STX2: variants seen among roughly 807,000 people sequenced by gnomAD.
STX2 encodes the protein syntaxin 2.
In STX2, 27 loss-of-function variants were observed where a neutral mutation model predicts 40.6. The observed-to-expected ratio is 0.66, with a 90% CI of 0.49 to 0.92. The LOEUF (loss-of-function observed/expected upper bound fraction) is 0.92. STX2 is among the 40% of genes least tolerant of loss of function. STX2 has a pLI of 0.00. For missense variants in STX2, 328 were observed against 366.1 expected, an observed-to-expected ratio of 0.90 and a Z score of 0.85; for synonymous variants, 123 against 119.1, an observed-to-expected ratio of 1.03 and a Z score of -0.22.
chr12:130,810,099 C>T (rs1951591665), intron 4 of STX2, among the ~76,000 whole-genome samples: 1 of 151,950 alleles, frequency 6.6e-6, no homozygotes. Flanking sequence ...AAGAATGACA[C>T]AAAAAATAAA....
chr12:130,791,987 A>G lies in STX2; in HGVS notation c.*46-10T>C, dbSNP rs1950890153. 2 of 1,566,918 alleles carry G rather than the reference A, an allele frequency of 1.3e-6. No individual in the cohort carries two copies. The highest frequency in any genetic ancestry group is 1.7e-4 in the Middle Eastern group (1 of 5,992). Reference sequence around the variant, plus strand: ...TAATGAACATCAATTTCTGCAAGATAAAGAAAAACATTAATTTGCAATGTA... The same window carrying G: ...TAATGAACATCAATTTCTGCAAGATGAAGAAAAACATTAATTTGCAATGTA... On this transcript the variant is annotated splice_polypyrimidine_tract_variant and intron_variant, in intron 10 of 10. Transcript: ENST00000392373.
At chr12:130,830,902 T>C (rs1356158577) in intron 1 of STX2, among the ~76,000 whole-genome samples, 2 of 152,228 alleles carry the variant, frequency 1.3e-5, no homozygotes, top group African/African-American at 4.8e-5. Context: ...CTATATGACA[T>C]ACTTGATTTC....
At chr12:130,818,187 T>TACAA (rs1951954684) in intron 3 of STX2, among the ~76,000 whole-genome samples, 1 of 54,500 alleles carries the variant, frequency 1.8e-5, no homozygotes, top group Non-Finnish European at 3.1e-5. Context: ...AAAAAAAAAA[T>TACAA]ATATATATAT....
rs547756819 is a variant in STX2, at chr12:130,838,981, G to C, written c.30+89C>G. The C allele has an allele frequency of 2.5e-3, 2,781 of 1,113,528 alleles. 8 individuals carry two copies. The highest frequency in any genetic ancestry group is 2.8e-3 in the Non-Finnish European group (2,439 of 867,724). 69.0% of individuals were successfully genotyped at this position (1,113,528 alleles called of 1,614,324 possible). A position where few individuals can be genotyped will look rare whatever the true frequency, so the allele number is the denominator to read the frequency against. ...GATCCCCGCCCTGGGGACCCTCCCG[G>C]AGCCCCGCCCAAGACGCCCCGAGCC... On this transcript the variant is annotated intron_variant, in intron 1 of 10. Coordinates refer to ENST00000392373, the MANE Select transcript of STX2 (RefSeq NM_194356.4).
intron 1 of STX2, among the ~76,000 whole-genome samples, chr12:130,832,924 C>T (rs975767025): frequency 5.9e-5 from 9 of 152,208 alleles, no homozygotes; most frequent in Non-Finnish European, 1.2e-4. Flanking sequence ...GCTCAGCTCA[C>T]GGGGTGGCCC....
chr12:130,791,817 T>C lies in STX2; in HGVS notation c.*206A>G. The C allele has an allele frequency of 1.6e-6, 2 of 1,224,038 alleles. No individual in the cohort carries two copies. Among genetic ancestry groups the C allele is most frequent in the Non-Finnish European group, 2.4e-6 (2 of 831,530 alleles). The allele number at this position is 1,224,038 out of a possible 1,614,324, so 75.8% of individuals were successfully genotyped here. A position where few individuals can be genotyped will look rare whatever the true frequency, so the allele number is the denominator to read the frequency against. Reference sequence around the variant, plus strand: ...CGATGCCGGGTTACAGCGTCTGAGATTCATTCACGAAATGACAGGATGCTG... The same window carrying C: ...CGATGCCGGGTTACAGCGTCTGAGACTCATTCACGAAATGACAGGATGCTG... On this transcript the variant is annotated 3_prime_UTR_variant, in exon 11 of 11. Coordinates refer to ENST00000392373, the MANE Select transcript of STX2 (RefSeq NM_194356.4).
Position 130,827,293 on chromosome 12 carries a change from T to G in STX2, c.31-26A>C, listed in dbSNP as rs751569598. On this transcript the variant is annotated intron_variant, in intron 1 of 10. Coordinates refer to ENST00000392373, the MANE Select transcript of STX2 (RefSeq NM_194356.4). ...CTACAATGAAAAATGGAAAATTCAG[T>G]TTTTTAAAATTTTTATGTAGGCACA... 3.8e-6 allele frequency: 6 copies of G among 1,588,840 alleles called. No individual in the cohort carries two copies. In the African/African-American group the frequency reaches 8.1e-5, roughly 21 times the overall value.
intron 1 of STX2, among the ~76,000 whole-genome samples, chr12:130,831,701 C>T (rs1274096094): frequency 6.6e-6 from 1 of 152,042 alleles, no homozygotes; most frequent in African/African-American, 2.4e-5. Context: ...TAAACGTAAC[C>T]TACTTTCTCA....
intron 5 of STX2, 37 bp downstream of exon 5, chr12:130,808,594 C>G: frequency 1.3e-6 from 2 of 1,558,998 alleles, no homozygotes; most frequent in Middle Eastern, 3.4e-4. Flanking sequence ...ACTTATTCTG[C>G]GACATTACTT....
At position 130,816,909 on chromosome 12, in the gene STX2, C is replaced by T. The variant is rs990956757; in HGVS notation, c.206-3878G>A. On this transcript the variant is annotated intron_variant, in intron 3 of 10. Transcript: ENST00000392373. Reference sequence around the variant, plus strand: ...AACAGTCAGGTGGGAAGCTGGCCCTCGCAGGGGCTGAAGCCTCAGTCTAAA... The same window carrying T: ...AACAGTCAGGTGGGAAGCTGGCCCTTGCAGGGGCTGAAGCCTCAGTCTAAA... Among the ~76,000 whole-genome samples the T allele has an allele frequency of 2.0e-5, 3 of 152,156 alleles. No individual in the cohort carries two copies. In the East Asian group the frequency reaches 5.8e-4, roughly 29 times the overall value.
intron 3 of STX2, among the ~76,000 whole-genome samples, chr12:130,820,792 C>T (rs185025851): frequency 1.3e-5 from 2 of 152,284 alleles, no homozygotes; most frequent in Admixed American, 6.5e-5. Context: ...ACCCACAGCA[C>T]CGCACAGACC....
rs150809203 is a variant in STX2 at position 130,822,259 on chromosome 12, G to A, written c.106-471C>T. Among the ~76,000 whole-genome samples the A allele has an allele frequency of 2.0e-3, 303 of 152,066 alleles. 2 individuals carry two copies. Among genetic ancestry groups the A allele is most frequent in the African/African-American group, 7.0e-3 (290 of 41,476 alleles). ...TAGAGAAACCTCTTCTCTACTAAAC[G>A]TACAAAAATTAGCCAAGTGAGGTGG... On this transcript the variant is annotated intron_variant, in intron 2 of 10. Transcript: ENST00000392373.
chr12:130,800,293 G>T (rs1484980786), intron 8 of STX2, among the ~76,000 whole-genome samples: 2 of 150,728 alleles, frequency 1.3e-5, no homozygotes, highest in Non-Finnish European at 3.0e-5. Context: ...ACATATATAT[G>T]TGTGTATTTT....
intron 1 of STX2, among the ~76,000 whole-genome samples, chr12:130,837,332 T>C (rs920258091): frequency 6.6e-6 from 1 of 152,134 alleles, no homozygotes; most frequent in African/African-American, 2.4e-5. Flanking sequence ...CTCTTTCTGT[T>C]GCCCAGACTG....
intron 1 of STX2, among the ~76,000 whole-genome samples, chr12:130,831,777 A>G (rs978450544): frequency 3.3e-5 from 5 of 150,300 alleles, no homozygotes; most frequent in Admixed American, 3.3e-4. Flanking sequence ...ATTTTTTTGT[A>G]TTTTTACTAA....
At chr12:130,797,443 A>G (rs1040422948) in intron 9 of STX2, among the ~76,000 whole-genome samples, 2 of 152,326 alleles carry the variant, frequency 1.3e-5, no homozygotes, top group Non-Finnish European at 2.9e-5. Context: ...ATACTTAGAC[A>G]TACCCAGGAA....
In STX2 at chr12:130,839,226, G is replaced by T. The variant is rs1230970655; in HGVS notation, c.-127C>A. Reference sequence around the variant, plus strand: ...GGCCCGGCGCCAGCAGCCCTCCCTGGAGCCGGCGCTGCCACGGCAACCGCG... The same window carrying T: ...GGCCCGGCGCCAGCAGCCCTCCCTGTAGCCGGCGCTGCCACGGCAACCGCG... On this transcript the variant is annotated 5_prime_UTR_variant, in exon 1 of 11. Transcript: ENST00000392373. 5.8e-6 allele frequency: 5 copies of T among 859,006 alleles called. No individual in the cohort carries two copies. The highest frequency in any genetic ancestry group is 1.0e-3 in the Middle Eastern group (2 of 1,942). The allele number at this position is 859,006 out of a possible 1,614,324, so 53.2% of individuals were successfully genotyped here.
rs566916067 is a variant in STX2, at chr12:130,800,194, C to T, written c.675+959G>A. Among the ~76,000 whole-genome samples the T allele has an allele frequency of 1.4e-4, 22 of 152,148 alleles. 1 individual carries two copies. The South Asian group carries it at 3.9e-3, about 27-fold the overall frequency. On this transcript the variant is annotated intron_variant, in intron 8 of 10. Transcript: ENST00000392373. ...GAAGACCTTATTCAAAGACAAAGAGCGAGTGTGAACATACCCATGCACATC... is the reference window on the plus strand; with the variant it reads ...GAAGACCTTATTCAAAGACAAAGAGTGAGTGTGAACATACCCATGCACATC...
chr12:130,837,778 G>C (rs1027791865), intron 1 of STX2, among the ~76,000 whole-genome samples: 1 of 152,084 alleles, frequency 6.6e-6, no homozygotes, highest in African/African-American at 2.4e-5. Context: ...ATAATCCATC[G>C]GGCAAGACAA....
Sources: allele counts gnomAD v4.1 joint callset (sites outside exome capture counted in the v4.1 genomes callset), GRCh38; gene constraint gnomAD v4.1.1; transcripts MANE v1.5; gene names NCBI Gene and HGNC (gene_info 2026-07-23, HGNC 2026-07-21).